The following CD80 variants were observed in gnomAD, a reference collection of about 807,000 sequenced individuals.
The protein encoded by CD80 is T-lymphocyte activation antigen CD80.
CD80 carries 13 observed loss-of-function variants against 27.1 expected under a neutral mutation model. That is an observed-to-expected ratio of 0.48 (90% CI 0.31 to 0.76). CD80 has a LOEUF of 0.76. Among genes scored for constraint, CD80 ranks in the 30% least tolerant of loss-of-function variants. The pLI is 0.04. For synonymous variants in CD80, 125 were observed against 125.5 expected, an observed-to-expected ratio of 1.00 and a Z score of 0.03; for missense variants, 277 against 347.9, an observed-to-expected ratio of 0.80 and a Z score of 1.62.
At chr3:119,541,957 C>A (rs751821385) in intron 3 of CD80, among the ~76,000 whole-genome samples, 5 of 151,938 alleles carry the variant, frequency 3.3e-5, no homozygotes, top group Non-Finnish European at 5.9e-5. Context: ...TCTTTCTATC[C>A]AAATTCACCT....
At chr3:119,527,673 G>T in intron 6 of CD80, 60 bp downstream of exon 6, 2 of 991,344 alleles carry the variant, frequency 2.0e-6, no homozygotes, top group South Asian at 1.4e-5. Context: ...AATTTGTTAA[G>T]GGAAGAATGC....
intron 2 of CD80, among the ~76,000 whole-genome samples, chr3:119,555,283 C>T (rs191816842): frequency 3.3e-5 from 5 of 152,242 alleles, no homozygotes; most frequent in Admixed American, 2.0e-4. Context: ...CTAGAGTTCA[C>T]GATAGGGGTC....
intron 2 of CD80, among the ~76,000 whole-genome samples, chr3:119,545,336 C>CCAAACAAA (rs138694157): frequency 3.3e-5 from 5 of 151,180 alleles, no homozygotes; most frequent in Middle Eastern, 3.4e-3. Context: ...AACTCCATCT[C>CCAAACAAA]CAAACAAACA....
intron 2 of CD80, among the ~76,000 whole-genome samples, chr3:119,551,167 C>A (rs1014668853): frequency 6.6e-6 from 1 of 152,134 alleles, no homozygotes; most frequent in South Asian, 2.1e-4. Flanking sequence ...TTGCTGAATG[C>A]ATGTCTAGGC....
At chr3:119,547,697 G>A (rs2082209216) in intron 2 of CD80, among the ~76,000 whole-genome samples, 1 of 152,306 alleles carries the variant, frequency 6.6e-6, no homozygotes, top group African/African-American at 2.4e-5. Flanking sequence ...TTGGCTCAGA[G>A]TAGAACCGGG....
intron 4 of CD80, among the ~76,000 whole-genome samples, chr3:119,535,337 AT>A (rs1222850612): frequency 6.6e-6 from 1 of 152,230 alleles, no homozygotes; most frequent in Non-Finnish European, 1.5e-5. Flanking sequence ...CATATAGTAT[AT>A]ATTGTGCTAT....
At chr3:119,558,614 T>G (rs1020822134) in intron 1 of CD80, among the ~76,000 whole-genome samples, 2 of 151,826 alleles carry the variant, frequency 1.3e-5, no homozygotes, top group African/African-American at 2.4e-5. Flanking sequence ...AATACAAAAA[T>G]TAGCCAGGTG....
chr3:119,545,748 A>C (rs976373467), intron 2 of CD80, among the ~76,000 whole-genome samples: 52 of 148,548 alleles, frequency 3.5e-4, no homozygotes, highest in African/African-American at 1.3e-3. Context: ...ACCCCCCCCC[A>C]CATTTTGTTT....
intron 3 of CD80, among the ~76,000 whole-genome samples, chr3:119,538,862 A>C (rs1192602222): frequency 6.6e-6 from 1 of 152,152 alleles, no homozygotes; most frequent in Non-Finnish European, 1.5e-5. Flanking sequence ...CTGCCTTTTG[A>C]GGGGGCATTG....
intron 3 of CD80, among the ~76,000 whole-genome samples, chr3:119,542,436 A>G (rs931350951): frequency 1.3e-5 from 2 of 148,608 alleles, no homozygotes; most frequent in African/African-American, 2.6e-5. Flanking sequence ...ATTATGTTTT[A>G]TTAAGTAAGA....
intron 6 of CD80, among the ~76,000 whole-genome samples, chr3:119,527,026 C>T (rs962094671): frequency 2.0e-5 from 3 of 152,280 alleles, no homozygotes; most frequent in African/African-American, 4.8e-5. Flanking sequence ...ATGGACATTC[C>T]AGACCCCAGA....
intron 2 of CD80, among the ~76,000 whole-genome samples, chr3:119,551,508 C>T (rs1048924807): frequency 3.9e-5 from 6 of 152,222 alleles, no homozygotes; most frequent in African/African-American, 2.4e-5. Context: ...CTGCCTTGGG[C>T]GTGCTCTCCT....
chr3:119,527,698 G>T (rs771800284), intron 6 of CD80, 35 bp downstream of exon 6: 5 of 1,272,312 alleles, frequency 3.9e-6, no homozygotes, highest in Non-Finnish European at 5.7e-6. Flanking sequence ...TGATCCCCAC[G>T]ATCCATGTAT....
intron 2 of CD80, among the ~76,000 whole-genome samples, chr3:119,554,291 C>A (rs1317093419): frequency 6.6e-6 from 1 of 152,146 alleles, no homozygotes; most frequent in African/African-American, 2.4e-5. Context: ...ATTCTCTTTT[C>A]TCCTAGCTCT....
At position 119,544,700 on chromosome 3, in the gene CD80, G is replaced by C; in HGVS notation, c.268C>G (p.Arg90Gly). The change falls in exon 3 of 7, where the codon CGG (arginine) becomes GGG (glycine). Residue 90 changes from arginine (R) to glycine (G), a missense_variant. Transcript: ENST00000264246. Reference protein sequence around the residue: ...DMNIWPEYKNRTIFDITNNLS... With the variant: ...DMNIWPEYKNGTIFDITNNLS... The stretch of plus-strand genomic sequence containing the variant: ...TTATTAGTGATATCAAAGATGGTCC[G>C]GTTCTTGTACTCGGGCCATATATTC... 6.2e-7 allele frequency: 1 copy of C among 1,614,156 alleles called. No individual in the cohort carries two copies. Among genetic ancestry groups the C allele is most frequent in the African/African-American group, 1.3e-5 (1 of 75,032 alleles).
Position 119,537,414 on chromosome 3 carries a change from G to A in CD80, c.423C>T (p.Asp141=), listed in dbSNP as rs779759900. The A allele has an allele frequency of 3.8e-6, 6 of 1,589,878 alleles. No individual in the cohort carries two copies. Residue 141 remains aspartate (D), a synonymous_variant, in exon 4 of 7, where the codon GAC becomes GAT. Coordinates refer to ENST00000264246, the MANE Select transcript of CD80 (RefSeq NM_005191.4). ...AGTCAGATATACTAGGTGTAGGGAA[G>A]TCAGCTAAAGAAAGAACAAGAATAT... The part of the protein sequence containing the change: ...LAEVTLSVKA[D]FPTPSISDFE...
chr3:119,540,963 G>A (rs774202671), intron 3 of CD80, among the ~76,000 whole-genome samples: 4 of 151,916 alleles, frequency 2.6e-5, no homozygotes, highest in African/African-American at 4.8e-5. Context: ...CAGGAGAATC[G>A]CTTGAACCCA....
chr3:119,538,251 C>G (rs1484099231), intron 3 of CD80, among the ~76,000 whole-genome samples: 2 of 152,210 alleles, frequency 1.3e-5, no homozygotes, highest in African/African-American at 4.8e-5. Flanking sequence ...ATCTGTCTGA[C>G]ACCAGAGCCT....
chr3:119,529,811 G>T (rs750668950), intron 5 of CD80, 31 bp downstream of exon 5: 2 of 1,401,462 alleles, frequency 1.4e-6, no homozygotes, highest in South Asian at 2.3e-5. Context: ...TTCCAGAATT[G>T]AGATCAGGAT....
Sources: gnomAD v4.1 joint callset for allele counts (sites outside exome capture counted in the v4.1 genomes callset) on GRCh38, gnomAD v4.1.1 for gene constraint, MANE v1.5 for transcripts, NCBI Gene and HGNC (gene_info 2026-07-23, HGNC 2026-07-21) for gene names.